Variants in EEFSEC observed in about 807,000 individuals in gnomAD.
EEFSEC encodes the protein selenocysteine-specific elongation factor.
In EEFSEC, 43 loss-of-function variants were observed where a neutral mutation model predicts 42.1. That is an observed-to-expected ratio of 1.02 (90% CI 0.80 to 1.32). The LOEUF is 1.32. Among genes scored for constraint, EEFSEC ranks in the 40% most tolerant of loss-of-function variants. EEFSEC has a pLI of 0.00. For missense variants in EEFSEC, 745 were observed against 803.6 expected, an observed-to-expected ratio of 0.93 and a Z score of 0.88; for synonymous variants, 354 against 339.1, an observed-to-expected ratio of 1.04 and a Z score of -0.48.
intron 5 of EEFSEC, among the ~76,000 whole-genome samples, chr3:128,348,271 C>CATGTGT (rs1553758423): frequency 2.0e-5 from 3 of 147,818 alleles, no homozygotes; most frequent in Admixed American, 2.0e-4. Context: ...TGTGTGTGTG[C>CATGTGT]GTGTGCGTGT....
intron 1 of EEFSEC, among the ~76,000 whole-genome samples, chr3:128,172,949 G>A (rs1163416146): frequency 6.6e-6 from 1 of 152,212 alleles, no homozygotes; most frequent in African/African-American, 2.4e-5. Context: ...ATCTTCCAAA[G>A]GGAGTATGTC....
chr3:128,269,590 C>T (rs1450643909), intron 4 of EEFSEC, among the ~76,000 whole-genome samples: 2 of 152,212 alleles, frequency 1.3e-5, no homozygotes, highest in East Asian at 3.9e-4. Flanking sequence ...AGGGCACAGC[C>T]ATTCCAAATA....
At chr3:128,229,946 G>A (rs2065943294) in intron 1 of EEFSEC, among the ~76,000 whole-genome samples, 1 of 152,026 alleles carries the variant, frequency 6.6e-6, no homozygotes. Flanking sequence ...CAGCCCTGGA[G>A]GGTTTCCTTT....
intron 2 of EEFSEC, among the ~76,000 whole-genome samples, chr3:128,248,677 C>T (rs1014160361): frequency 1.3e-5 from 2 of 152,008 alleles, no homozygotes; most frequent in Non-Finnish European, 2.9e-5. Flanking sequence ...TTTGGACTCC[C>T]GCAAAAAAAC....
chr3:128,176,494 T>G, intron 1 of EEFSEC, among the ~76,000 whole-genome samples: 1 of 152,182 alleles, frequency 6.6e-6, no homozygotes, highest in South Asian at 2.1e-4. Context: ...ACCAGTCTGC[T>G]GGAAGCAGTG....
In EEFSEC at chr3:128,317,572, A is replaced by C. The variant is rs2066960893; in HGVS notation, c.787-23661A>C. On this transcript the variant is annotated intron_variant, in intron 4 of 6. Transcript: ENST00000254730. This position sits in a 1 kb window ranked among gnomAD's most constrained non-coding sequence, Gnocchi z 4.1. ...CAGTCCTCTTTCCACCCGGGCTACC[A>C]CTGGAGTCGTTCTGACCTTTGTACT... Among the ~76,000 whole-genome samples, 1 of 152,170 alleles carries C rather than the reference A, an allele frequency of 6.6e-6. No homozygotes were observed. Among genetic ancestry groups the C allele is most frequent in the Non-Finnish European group, 1.5e-5 (1 of 68,026 alleles).
At chr3:128,379,096 T>C (rs1485729477) in intron 6 of EEFSEC, among the ~76,000 whole-genome samples, 1 of 152,236 alleles carries the variant, frequency 6.6e-6, no homozygotes, top group Non-Finnish European at 1.5e-5. Context: ...TTGTGGATCT[T>C]GCCCCAGTGT....
intron 6 of EEFSEC, among the ~76,000 whole-genome samples, chr3:128,385,121 C>T (rs2107618026): frequency 6.6e-6 from 1 of 152,334 alleles, no homozygotes; most frequent in Middle Eastern, 3.4e-3. Flanking sequence ...CCAGCTCCCT[C>T]CTCCTCCAGA....
intron 5 of EEFSEC, among the ~76,000 whole-genome samples, chr3:128,344,571 A>G (rs2067290804): frequency 6.6e-6 from 1 of 152,228 alleles, no homozygotes; most frequent in South Asian, 2.1e-4. Flanking sequence ...GTTTGAACTC[A>G]GGACTAGCTG....
At chr3:128,205,957 C>T (rs2065692742) in intron 1 of EEFSEC, among the ~76,000 whole-genome samples, 1 of 152,168 alleles carries the variant, frequency 6.6e-6, no homozygotes, top group African/African-American at 2.4e-5. Context: ...AGTGTAGCAA[C>T]CCATTTGGAA....
chr3:128,350,228 G>A (rs965703067), intron 5 of EEFSEC, among the ~76,000 whole-genome samples: 7 of 152,228 alleles, frequency 4.6e-5, no homozygotes, highest in African/African-American at 1.2e-4. Flanking sequence ...ACCAGGGAGC[G>A]TGCTGGCCTG....
chr3:128,379,846 A>G (rs1024832451), intron 6 of EEFSEC, among the ~76,000 whole-genome samples: 1 of 152,184 alleles, frequency 6.6e-6, no homozygotes, highest in Non-Finnish European at 1.5e-5. Flanking sequence ...AGCTGTCCCC[A>G]CACACCCAAT....
chr3:128,202,926 C>T (rs953414836), intron 1 of EEFSEC, among the ~76,000 whole-genome samples: 8 of 152,090 alleles, frequency 5.3e-5, no homozygotes, highest in Non-Finnish European at 1.2e-4. Context: ...AGTTTTTCTT[C>T]TTCATTCCGT....
chr3:128,362,266 A>G (rs750597017), intron 6 of EEFSEC: 2 of 514,724 alleles, frequency 3.9e-6, no homozygotes, highest in Non-Finnish European at 8.0e-6. Context: ...CAGCTTCCGC[A>G]GCCCCTCCTG....
At chr3:128,384,168 G>A (rs1452562092) in intron 6 of EEFSEC, among the ~76,000 whole-genome samples, 1 of 152,196 alleles carries the variant, frequency 6.6e-6, no homozygotes, top group Non-Finnish European at 1.5e-5. Flanking sequence ...TTGGAGGAGG[G>A]TGGAGAGACA....
At position 128,188,449 on chromosome 3, in the gene EEFSEC, A is replaced by G. The variant is rs138440475; in HGVS notation, c.316+34626A>G. Among the ~76,000 whole-genome samples, 749 of 152,236 alleles carry G rather than the reference A, an allele frequency of 4.9e-3. 8 individuals carry two copies. The highest frequency in any genetic ancestry group is 0.031 in the South Asian group (149 of 4,820). On this transcript the variant is annotated intron_variant, in intron 1 of 6. Coordinates refer to ENST00000254730, the MANE Select transcript of EEFSEC (RefSeq NM_021937.5). ...GTCCATTTGCCTTTGTTTTATGCCA[A>G]TCAGGTGCAGCTTTTGGATTCCTGG...
At chr3:128,312,510 G>C (rs758648515) in intron 4 of EEFSEC, among the ~76,000 whole-genome samples, 6 of 152,292 alleles carry the variant, frequency 3.9e-5, no homozygotes, top group Non-Finnish European at 5.9e-5. Context: ...ACCCACCGGG[G>C]TTCAGAATAC....
intron 4 of EEFSEC, among the ~76,000 whole-genome samples, chr3:128,327,977 G>A (rs552594824): frequency 6.6e-6 from 1 of 152,208 alleles, no homozygotes; most frequent in Non-Finnish European, 1.5e-5. Flanking sequence ...CAAAGGCTGA[G>A]GCTTGAACCG....
At chr3:128,180,882 A>G (rs1325547532) in intron 1 of EEFSEC, among the ~76,000 whole-genome samples, 1 of 152,242 alleles carries the variant, frequency 6.6e-6, no homozygotes, top group Non-Finnish European at 1.5e-5. Flanking sequence ...AAGGGGGCTA[A>G]TGAAGTCCTG....
Sources: gnomAD v4.1 joint callset for allele counts (sites outside exome capture counted in the v4.1 genomes callset) on GRCh38, gnomAD v4.1.1 for gene constraint, Gnocchi (gnomAD v3.1) non-coding constraint, MANE v1.5 for transcripts, NCBI Gene and HGNC (gene_info 2026-07-23, HGNC 2026-07-21) for gene names.